Variants in DHRS4 observed in about 807,000 individuals in gnomAD.
DHRS4 encodes the protein dehydrogenase/reductase SDR family member 4.
In DHRS4, 20 loss-of-function variants were observed where a neutral mutation model predicts 28.4. That is an observed-to-expected ratio of 0.71 (90% CI 0.50 to 1.02). The LOEUF is 1.02. Ranked by LOEUF, DHRS4 falls within the 50% of genes least tolerant of loss-of-function variation. DHRS4 has a pLI of 0.00. For missense variants in DHRS4, 378 were observed against 367.2 expected (o/e 1.03, Z -0.24); for synonymous variants, 144 against 146.4 (o/e 0.98, Z 0.12).
Position 23,955,066 on chromosome 14 carries a change from C to A in DHRS4, c.160C>A (p.Gln54Lys). 6.2e-7 allele frequency: 1 copy of A among 1,614,194 alleles called. No individual in the cohort carries two copies. Among genetic ancestry groups the A allele is most frequent in the African/African-American group, 1.3e-5 (1 of 75,072 alleles). The change falls in exon 2 of 8, where the codon CAG becomes AAG. Residue 54 changes from glutamine to lysine, a missense_variant. Physicochemically the swap from Gln to Lys is moderately conservative, Grantham distance 53. Transcript: ENST00000313250. ...CTTCGCCATCGCCCGGCGTTTGGCCCAGGACGGGGCCCATGTGGTCGTCAG... is the reference window on the plus strand; with the variant it reads ...CTTCGCCATCGCCCGGCGTTTGGCCAAGGACGGGGCCCATGTGGTCGTCAG... Reference protein sequence around the residue: ...IGFAIARRLAQDGAHVVVSSR... With the variant: ...IGFAIARRLAKDGAHVVVSSR...
intron 4 of DHRS4, 41 bp from the exon 5 acceptor site, chr14:23,965,891 G>C (rs367588491): frequency 6.2e-7 from 1 of 1,606,714 alleles, no homozygotes; most frequent in Non-Finnish European, 8.5e-7. Context: ...TGAGGGCACT[G>C]GTCCACAATG....
At chr14:23,959,122 G>C (rs1438904482) in intron 2 of DHRS4, among the ~76,000 whole-genome samples, 2 of 152,284 alleles carry the variant, frequency 1.3e-5, no homozygotes, top group African/African-American at 2.4e-5. Flanking sequence ...GTGGAACTCA[G>C]TGTGAAAGGA....
In DHRS4 at chr14:23,959,895, T is replaced by C; in HGVS notation, c.307-7T>C. On this transcript the variant is annotated splice_polypyrimidine_tract_variant and splice_region_variant and intron_variant, in intron 2 of 7. Transcript: ENST00000313250. ...AGCCCTGGTCCAGAACTTACCCCTC[T>C]CTCTAGGCTGTGAAGCTTCATGGAG... 1 of 1,613,050 alleles carries C rather than the reference T, an allele frequency of 6.2e-7. No homozygotes were observed. The highest frequency in any genetic ancestry group is 8.5e-7 in the Non-Finnish European group (1 of 1,179,748).
Sources: gnomAD v4.1 joint callset for allele counts (sites outside exome capture counted in the v4.1 genomes callset) on GRCh38, gnomAD v4.1.1 for gene constraint, MANE v1.5 for transcripts, NCBI Gene and HGNC (gene_info 2026-07-23, HGNC 2026-07-21) for gene names.